The following PTPRO variants were observed in gnomAD, a reference collection of about 807,000 sequenced individuals.
PTPRO encodes the protein receptor-type tyrosine-protein phosphatase O.
In PTPRO, 62 loss-of-function variants were observed where a neutral mutation model predicts 145.2. The ratio of observed to expected loss-of-function variants is 0.43; its 90% CI spans 0.35 to 0.53. The LOEUF is 0.53. Ranked by LOEUF, PTPRO falls within the 20% of genes least tolerant of loss-of-function variation. PTPRO has a pLI of 0.01. For missense variants in PTPRO, 1,345 were observed against 1,482.7 expected (o/e 0.91, Z 1.53); for synonymous variants, 565 against 514.7 (o/e 1.10, Z -1.32).
chr12:15,587,906 A>C (rs1944463871), intron 24 of PTPRO, among the ~76,000 whole-genome samples: 4 of 152,350 alleles, frequency 2.6e-5, no homozygotes, highest in Admixed American at 2.6e-4. Context: ...GGCCCTTGTG[A>C]ATTAGAATGA....
At position 15,555,904 on chromosome 12, in the gene PTPRO, A is replaced by G. The variant is rs118073895; in HGVS notation, c.2559-1551A>G. 3.3e-4 allele frequency among the ~76,000 whole-genome samples: 50 copies of G among 152,352 alleles called. 1 individual carries two copies. The East Asian group carries it at 8.9e-3, about 27-fold the overall frequency. On this transcript the variant is annotated intron_variant, in intron 15 of 26. Coordinates refer to ENST00000281171, the MANE Select transcript of PTPRO (RefSeq NM_030667.3). ...TTTTTAATTAGTATATTCAATGTCA[A>G]TATGTAATAGTCTAACAATTTCATC...
At chr12:15,528,243 A>G (rs569819980) in intron 12 of PTPRO, among the ~76,000 whole-genome samples, 18 of 151,842 alleles carry the variant, frequency 1.2e-4, no homozygotes, top group African/African-American at 3.4e-4. Flanking sequence ...AAGGCTGGGC[A>G]CGGTGGCTCA....
Position 15,580,978 on chromosome 12 carries a change from A to C in PTPRO, c.3132+147A>C, listed in dbSNP as rs56963660. On this transcript the variant is annotated intron_variant, in intron 22 of 26. Transcript: ENST00000281171. ...ACATTGTATTCGGGAAGCAAGAATT[A>C]GAATTTGGGGGTAAACACACAGACC... The C allele has an allele frequency of 0.01, 12,066 of 1,161,172 alleles. 753 individuals are homozygous for C. The African/African-American group carries it at 0.15, about 14-fold the overall frequency. 71.9% of individuals were successfully genotyped at this position (1,161,172 alleles called of 1,614,324 possible). A position where few individuals can be genotyped will look rare whatever the true frequency, so the allele number is the denominator to read the frequency against.
intron 26 of PTPRO, 25 bp downstream of exon 26, chr12:15,595,082 A>C: frequency 6.8e-7 from 1 of 1,477,370 alleles, no homozygotes; most frequent in Non-Finnish European, 9.5e-7. Context: ...GCTCTCCACG[A>C]GTGCTCAGTC....
At chr12:15,413,139 G>A (rs1565614826) in intron 1 of PTPRO, among the ~76,000 whole-genome samples, 2 of 152,104 alleles carry the variant, frequency 1.3e-5, no homozygotes, top group Non-Finnish European at 2.9e-5. Context: ...CACCCAGGCT[G>A]GAATGCAGTG....
chr12:15,369,044 C>T (rs1205440840), intron 1 of PTPRO, among the ~76,000 whole-genome samples: 1 of 152,082 alleles, frequency 6.6e-6, no homozygotes. Flanking sequence ...GCTTAGTTTG[C>T]CAATGTGCTG....
At chr12:15,461,204 A>T (rs568470168) in intron 1 of PTPRO, among the ~76,000 whole-genome samples, 1 of 152,190 alleles carries the variant, frequency 6.6e-6, no homozygotes, top group Non-Finnish European at 1.5e-5. Context: ...ATTTCTTTCT[A>T]TTGATCCCAG....
chr12:15,516,795 C>G lies in PTPRO; in HGVS notation c.1618C>G (p.Pro540Ala). The G allele has an allele frequency of 1.9e-6, 3 of 1,611,416 alleles. No individual in the cohort carries two copies. The highest frequency in any genetic ancestry group is 4.5e-5 in the East Asian group (2 of 44,874). Reference protein sequence around the residue: ...PTGIKDLMLYPLGPTAVVLSW... With the variant: ...PTGIKDLMLYALGPTAVVLSW... ...AGGAATAAAGGATTTAATGCTCTATCCTTTGGGTCCTACGGCCGTGGTTCT... is the reference window on the plus strand; with the variant it reads ...AGGAATAAAGGATTTAATGCTCTATGCTTTGGGTCCTACGGCCGTGGTTCT... Residue 540 changes from proline to alanine, a missense_variant, in exon 9 of 27, where the codon CCT becomes GCT. Physicochemically the swap from Pro to Ala is conservative, Grantham distance 27 (BLOSUM62 -1). Transcript: ENST00000281171.
chr12:15,475,621 T>C (rs1210529044), intron 1 of PTPRO, among the ~76,000 whole-genome samples: 1 of 151,814 alleles, frequency 6.6e-6, no homozygotes, highest in Non-Finnish European at 1.5e-5. Flanking sequence ...TCATGAAAAA[T>C]GAAACACACT....
At chr12:15,408,726 C>A in intron 1 of PTPRO, among the ~76,000 whole-genome samples, 1 of 152,172 alleles carries the variant, frequency 6.6e-6, no homozygotes, top group East Asian at 1.9e-4. Context: ...CCGTGCCCTG[C>A]CAGAAGTCAA....
chr12:15,521,750 G>A (rs1472069780), intron 10 of PTPRO, among the ~76,000 whole-genome samples: 1 of 152,160 alleles, frequency 6.6e-6, no homozygotes, highest in African/African-American at 2.4e-5. Flanking sequence ...CACCCTGACA[G>A]TCTTTGCACT....
chr12:15,381,332 T>C (rs980282515), intron 1 of PTPRO, among the ~76,000 whole-genome samples: 13 of 152,222 alleles, frequency 8.5e-5, no homozygotes, highest in Non-Finnish European at 1.9e-4. Flanking sequence ...TGGGGCTTAA[T>C]AATGGTTTCT....
At chr12:15,457,840 A>G (rs1941215198) in intron 1 of PTPRO, among the ~76,000 whole-genome samples, 1 of 152,190 alleles carries the variant, frequency 6.6e-6, no homozygotes. Context: ...TGGTTATGTC[A>G]GTACTTTTCT....
At chr12:15,590,670 A>G (rs374622598) in intron 25 of PTPRO, among the ~76,000 whole-genome samples, 4 of 152,176 alleles carry the variant, frequency 2.6e-5, no homozygotes, top group South Asian at 4.1e-4. Flanking sequence ...CAATACATTC[A>G]TTTCTGAACT....
In PTPRO at chr12:15,524,825, C is replaced by A; in HGVS notation, c.1903C>A (p.Pro635Thr). The stretch of plus-strand genomic sequence containing the variant: ...TTTCTCCCTTGTAGCCCCAGTGGCT[C>A]CGGAAATCACTTCTGTGGAATATTT... ...TISFITAPVA[P>T]EITSVEYFNS... Residue 635 changes from proline to threonine, a missense_variant, in exon 11 of 27, where the codon CCG (proline) becomes ACG (threonine). By Grantham distance (38) the Pro-to-Thr change is conservative. Around this residue, in one of 3 missense-constraint regions of PTPRO, gnomAD observed 1,130 missense variants for 1,214.7 expected, o/e 0.93. Coordinates refer to ENST00000281171, the MANE Select transcript of PTPRO (RefSeq NM_030667.3). 6.2e-7 allele frequency: 1 copy of A among 1,613,362 alleles called. No homozygotes were observed. Among genetic ancestry groups the A allele is most frequent in the Non-Finnish European group, 8.5e-7 (1 of 1,179,354 alleles).
At chr12:15,368,077 G>C (rs1305699939) in intron 1 of PTPRO, among the ~76,000 whole-genome samples, 1 of 152,164 alleles carries the variant, frequency 6.6e-6, no homozygotes, top group Non-Finnish European at 1.5e-5. Flanking sequence ...CCATTCAGGG[G>C]AAATGTCACT....
At chr12:15,381,592 T>C (rs35801882) in intron 1 of PTPRO, among the ~76,000 whole-genome samples, 30,084 of 152,028 alleles carry the variant, frequency 0.2, 7,380 homozygotes, top group African/African-American at 0.58. Flanking sequence ...ACAACAATAA[T>C]CTCTTAATGA....
intron 12 of PTPRO, among the ~76,000 whole-genome samples, chr12:15,528,502 G>A (rs1942891065): frequency 1.3e-5 from 2 of 148,166 alleles, no homozygotes; most frequent in African/African-American, 5.0e-5. Flanking sequence ...ACCAGCCTGG[G>A]TGACAGAGCA....
chr12:15,371,827 A>G (rs978688443), intron 1 of PTPRO, among the ~76,000 whole-genome samples: 4 of 151,946 alleles, frequency 2.6e-5, no homozygotes, highest in East Asian at 1.9e-4. Flanking sequence ...ATGAAATCTG[A>G]TGGTTTTATA....
Sources: allele counts gnomAD v4.1 joint callset (sites outside exome capture counted in the v4.1 genomes callset), GRCh38; gene constraint gnomAD v4.1.1; regional missense constraint gnomAD v4.1.1; transcripts MANE v1.5; gene names NCBI Gene and HGNC (gene_info 2026-07-23, HGNC 2026-07-21).